Variants in DPY19L2 observed in about 807,000 individuals in gnomAD.
DPY19L2 encodes the protein probable C-mannosyltransferase DPY19L2.
A neutral mutation model predicts 97.9 loss-of-function variants in DPY19L2; 34 were observed. That is an observed-to-expected ratio of 0.35 (90% CI 0.26 to 0.46). The LOEUF (loss-of-function observed/expected upper bound fraction) is 0.46. Among genes scored for constraint, DPY19L2 ranks in the 20% least tolerant of loss-of-function variants. The pLI is 1.00. For missense variants in DPY19L2, 623 were observed against 911.4 expected (o/e 0.68, Z 4.07); for synonymous variants, 230 against 307.9 (o/e 0.75, Z 2.65).
chr12:63,595,869 G>C, intron 15 of DPY19L2, 97 bp downstream of exon 15: 1 of 1,119,126 alleles, frequency 8.9e-7, no homozygotes, highest in Non-Finnish European at 1.3e-6. Context: ...GAGAGAGAAA[G>C]AGTTCATCCT....
intron 12 of DPY19L2, among the ~76,000 whole-genome samples, chr12:63,606,176 T>C (rs1886017254): frequency 6.6e-6 from 1 of 152,114 alleles, no homozygotes; most frequent in Non-Finnish European, 1.5e-5. Context: ...TAATAATTTG[T>C]CAATTATTTT....
intron 19 of DPY19L2, among the ~76,000 whole-genome samples, chr12:63,571,600 G>A (rs1878856578): frequency 1.3e-5 from 2 of 152,152 alleles, no homozygotes; most frequent in African/African-American, 2.4e-5. Flanking sequence ...TCCTGCGGAT[G>A]TGCCATAAAA....
chr12:63,563,897 A>T (rs1877125172), intron 21 of DPY19L2, among the ~76,000 whole-genome samples: 1 of 152,132 alleles, frequency 6.6e-6, no homozygotes, highest in Non-Finnish European at 1.5e-5. Context: ...TACTACAAAT[A>T]TAATTTTATT....
At chr12:63,626,789 T>A (rs1375283669) in intron 6 of DPY19L2, among the ~76,000 whole-genome samples, 1 of 152,158 alleles carries the variant, frequency 6.6e-6, no homozygotes, top group Non-Finnish European at 1.5e-5. Flanking sequence ...GAACATAATT[T>A]TTTTTTTGAG....
At chr12:63,593,325 A>G (rs1266451864) in intron 16 of DPY19L2, among the ~76,000 whole-genome samples, 1 of 152,220 alleles carries the variant, frequency 6.6e-6, no homozygotes, top group Non-Finnish European at 1.5e-5. Context: ...ATGCTGCTAT[A>G]AAGACACTTG....
intron 4 of DPY19L2, among the ~76,000 whole-genome samples, chr12:63,651,151 G>T (rs1291253286): frequency 6.6e-6 from 1 of 152,040 alleles, no homozygotes; most frequent in South Asian, 2.1e-4. Flanking sequence ...AAGTCAATAG[G>T]AAAAAGGACT....
At chr12:63,639,157 G>A (rs7488616) in intron 6 of DPY19L2, among the ~76,000 whole-genome samples, 104,971 of 151,504 alleles carry the variant, frequency 0.69, 36,914 homozygotes, top group African/African-American at 0.8. Context: ...CCATATGTAG[G>A]AAGCTGAAAC....
chr12:63,636,919 T>C (rs1221736447), intron 6 of DPY19L2, among the ~76,000 whole-genome samples: 5 of 152,124 alleles, frequency 3.3e-5, no homozygotes, highest in Non-Finnish European at 7.4e-5. Flanking sequence ...TGAACTCAAC[T>C]CTGCACCAGG....
At chr12:63,599,771 T>C (rs1455663144) in intron 13 of DPY19L2, among the ~76,000 whole-genome samples, 1 of 152,102 alleles carries the variant, frequency 6.6e-6, no homozygotes, top group Non-Finnish European at 1.5e-5. Flanking sequence ...CAAACAGAAA[T>C]ACTACATGAG....
intron 6 of DPY19L2, among the ~76,000 whole-genome samples, chr12:63,626,998 C>T (rs1375924471): frequency 1.3e-5 from 2 of 152,118 alleles, no homozygotes; most frequent in Non-Finnish European, 1.5e-5. Context: ...AAGCTAGTCT[C>T]GAACTCCTGA....
At chr12:63,591,961 GAAAA>G (rs1204530772) in intron 16 of DPY19L2, among the ~76,000 whole-genome samples, 4 of 102,208 alleles carry the variant, frequency 3.9e-5, no homozygotes, top group Non-Finnish European at 5.6e-5. Context: ...GAAAAGAAAA[GAAAA>G]GAAAAGAAAA....
At chr12:63,583,994 CAA>C in intron 16 of DPY19L2, 158 bp from the exon 17 acceptor site, 1 of 559,592 alleles carries the variant, frequency 1.8e-6, no homozygotes, top group South Asian at 2.9e-5. Context: ...GATAATAGTA[CAA>C]AAATTACAAC....
chr12:63,619,509 C>G (rs1054635029), intron 9 of DPY19L2, among the ~76,000 whole-genome samples: 22 of 151,620 alleles, frequency 1.5e-4, no homozygotes, highest in African/African-American at 5.3e-4. Context: ...ACAGCAATAT[C>G]AAACTTCTTT....
chr12:63,634,970 G>T (rs1891396957), intron 6 of DPY19L2, among the ~76,000 whole-genome samples: 1 of 152,194 alleles, frequency 6.6e-6, no homozygotes, highest in Admixed American at 6.5e-5. Flanking sequence ...TCTAACAACA[G>T]ACAGACTGCC....
At chr12:63,668,516 C>A, upstream of DPY19L2, 1 of 1,028,192 alleles carries the variant, frequency 9.7e-7, no homozygotes, top group East Asian at 2.6e-5. Context: ...CGTTGCGGAC[C>A]TCCCGGTCGT....
intron 7 of DPY19L2, among the ~76,000 whole-genome samples, chr12:63,625,180 G>A (rs1202830245): frequency 6.6e-6 from 1 of 152,042 alleles, no homozygotes; most frequent in African/African-American, 2.4e-5. Flanking sequence ...GGTGGATCAT[G>A]AGGTCAGGAG....
chr12:63,567,191 A>G (rs1043981367), intron 21 of DPY19L2, among the ~76,000 whole-genome samples: 1 of 151,982 alleles, frequency 6.6e-6, no homozygotes, highest in African/African-American at 2.4e-5. Flanking sequence ...TCTAATTACC[A>G]CAATTCTACT....
rs147328742 is a variant in DPY19L2 at position 63,597,906 on chromosome 12, C to A, written c.1364G>T (p.Arg455Leu). Residue 455 changes from arginine (R) to leucine (L), a missense_variant, in exon 14 of 22, where the codon CGC becomes CTC. Arg to Leu is a moderately radical substitution (Grantham distance 102, BLOSUM62 -2). Transcript: ENST00000324472. ...TCTGGCTGCTATAAGATCACTCAGG[C>A]GAATCTGGGAGAAAATAAAGTAAAA... is the stretch of plus-strand genomic sequence containing the variant. ...SKILGVSDHI[R>L]LSDLIAARIL... 1.8e-3 allele frequency: 2,807 copies of A among 1,588,958 alleles called. 22 individuals are homozygous for A. The highest frequency in any genetic ancestry group is 7.7e-3 in the South Asian group (667 of 86,610).
rs1592779290 is a variant in DPY19L2, at chr12:63,663,991, A to G, written c.363-146T>C. ...CTTACTAACTTGTATGTTTTTCAGC[A>G]TTTATAATCCAGTATGGCACACACC... On this transcript the variant is annotated intron_variant, in intron 2 of 21. Coordinates refer to ENST00000324472, the MANE Select transcript of DPY19L2 (RefSeq NM_173812.5). The G allele has an allele frequency of 4.8e-6, 3 of 621,832 alleles. No individual in the cohort carries two copies. In the East Asian group the frequency reaches 9.2e-5, roughly 19 times the overall value. 38.5% of individuals were successfully genotyped at this position (621,832 alleles called of 1,614,324 possible).
Sources: gnomAD v4.1 joint callset for allele counts (sites outside exome capture counted in the v4.1 genomes callset) on GRCh38, gnomAD v4.1.1 for gene constraint, MANE v1.5 for transcripts, NCBI Gene and HGNC (gene_info 2026-07-23, HGNC 2026-07-21) for gene names.